Variants in FAM107B observed in about 807,000 individuals in gnomAD.
FAM107B encodes protein FAM107B.
A neutral mutation model predicts 31.5 loss-of-function variants in FAM107B; 21 were observed. The observed-to-expected ratio is 0.67, with a 90% CI of 0.47 to 0.96. FAM107B has a LOEUF of 0.96. Ranked by LOEUF, FAM107B falls within the 40% of genes least tolerant of loss-of-function variation. FAM107B has a pLI of 0.00. For synonymous variants in FAM107B, 157 were observed against 141.5 expected (o/e 1.11, Z -0.78); for missense variants, 452 against 377.1 (o/e 1.20, Z -1.64).
intron 2 of FAM107B, chr10:14,554,312 A>C (rs1440314271): frequency 9.6e-6 from 2 of 208,682 alleles, no homozygotes; most frequent in Non-Finnish European, 1.7e-5. Context: ...AGGTTTACTA[A>C]AGGAAGGGAG....
rs189016373 is a variant in FAM107B, at chr10:14,721,029, G to A, written c.411+53224C>T. 2.5e-3 allele frequency among the ~76,000 whole-genome samples: 376 copies of A among 151,648 alleles called. 2 individuals carry two copies. Among genetic ancestry groups the A allele is most frequent in the African/African-American group, 8.5e-3 (353 of 41,300 alleles). On this transcript the variant is annotated intron_variant, in intron 1 of 4. Coordinates refer to ENST00000181796, the MANE Select transcript of FAM107B (RefSeq NM_031453.4). ...CCCATGACAGGCGCCAGTGTGTGACGTTCCCCGCCCCGTGTTCAAGTGTTC... is the reference window on the plus strand; with the variant it reads ...CCCATGACAGGCGCCAGTGTGTGACATTCCCCGCCCCGTGTTCAAGTGTTC...
intron 1 of FAM107B, among the ~76,000 whole-genome samples, chr10:14,745,354 G>A (rs947059174): frequency 6.6e-6 from 1 of 152,014 alleles, no homozygotes; most frequent in African/African-American, 2.4e-5. Flanking sequence ...TTTGGGGTTT[G>A]TTTGCTCTTG....
chr10:14,650,800 GA>G (rs1853878716), intron 2 of FAM107B, among the ~76,000 whole-genome samples: 1 of 152,216 alleles, frequency 6.6e-6, no homozygotes, highest in South Asian at 2.1e-4. Flanking sequence ...TAAATTTCAA[GA>G]AGTCGTATAT....
At chr10:14,697,316 C>T (rs1233977458) in intron 1 of FAM107B, among the ~76,000 whole-genome samples, 2 of 152,322 alleles carry the variant, frequency 1.3e-5, no homozygotes, top group South Asian at 2.1e-4. Flanking sequence ...ACCAGGTCCC[C>T]GAAATGGAGG....
intron 1 of FAM107B, among the ~76,000 whole-genome samples, chr10:14,669,108 C>T (rs1307131745): frequency 6.6e-6 from 1 of 152,106 alleles, no homozygotes; most frequent in Non-Finnish European, 1.5e-5. Flanking sequence ...TGGCTGACAC[C>T]TGTAATCCTA....
intron 2 of FAM107B, among the ~76,000 whole-genome samples, chr10:14,583,545 G>A (rs768557637): frequency 1.3e-4 from 20 of 152,074 alleles, no homozygotes; most frequent in Non-Finnish European, 2.5e-4. Context: ...AGCATGTGGC[G>A]TGGCTCTCCA....
intron 2 of FAM107B, among the ~76,000 whole-genome samples, chr10:14,578,109 A>G (rs970866313): frequency 4.6e-5 from 7 of 152,154 alleles, no homozygotes; most frequent in African/African-American, 1.7e-4. Context: ...TCCATTTGGA[A>G]AAGTTCATTA....
At chr10:14,692,660 T>C (rs1004809616) in intron 1 of FAM107B, among the ~76,000 whole-genome samples, 1 of 152,210 alleles carries the variant, frequency 6.6e-6, no homozygotes, top group Admixed American at 6.5e-5. Flanking sequence ...CCGTGTACTC[T>C]CAAGAGTGTC....
chr10:14,634,058 C>T (rs1853434904), intron 2 of FAM107B, among the ~76,000 whole-genome samples: 1 of 152,104 alleles, frequency 6.6e-6, no homozygotes, highest in East Asian at 1.9e-4. Flanking sequence ...TTGAGTTATG[C>T]TTTTAAGACA....
rs924104642 is a variant in FAM107B, at chr10:14,708,312, C to T, written c.412-40621G>A. ...GCCAGGCTGGTCTCAAACTCCTGAC[C>T]TTAGGTGATCCACCTGCTGGGGCCT... On this transcript the variant is annotated intron_variant, in intron 1 of 4. Coordinates refer to ENST00000181796, the MANE Select transcript of FAM107B (RefSeq NM_031453.4). Among the ~76,000 whole-genome samples, 7 of 152,002 alleles carry T rather than the reference C, an allele frequency of 4.6e-5. No individual in the cohort carries two copies. The East Asian group carries it at 9.6e-4, about 21-fold the overall frequency.
At chr10:14,679,893 C>T (rs955237414) in intron 1 of FAM107B, among the ~76,000 whole-genome samples, 10 of 152,206 alleles carry the variant, frequency 6.6e-5, no homozygotes, top group South Asian at 6.2e-4. Flanking sequence ...CCATCTTTCT[C>T]CCGTGCTGGA....
intron 1 of FAM107B, among the ~76,000 whole-genome samples, chr10:14,671,716 G>A (rs1854548923): frequency 6.6e-6 from 1 of 151,916 alleles, no homozygotes. Flanking sequence ...TATCACGTGC[G>A]GCTGAAACTG....
chr10:14,587,177 T>TA (rs1204342584), intron 2 of FAM107B, among the ~76,000 whole-genome samples: 1 of 152,180 alleles, frequency 6.6e-6, no homozygotes, highest in Non-Finnish European at 1.5e-5. Context: ...TAAAAGCACT[T>TA]ACGACATGCC....
chr10:14,680,841 C>G (rs1854816755), intron 1 of FAM107B, among the ~76,000 whole-genome samples: 1 of 152,180 alleles, frequency 6.6e-6, no homozygotes, highest in Non-Finnish European at 1.5e-5. Flanking sequence ...CCCAGTGTCT[C>G]CCTTTGCCCA....
chr10:14,711,144 C>T (rs1564633251), intron 1 of FAM107B, among the ~76,000 whole-genome samples: 1 of 152,220 alleles, frequency 6.6e-6, no homozygotes, highest in Admixed American at 6.5e-5. Context: ...AACTCCTGAC[C>T]TTGTGATCCA....
chr10:14,632,033 C>T (rs758322362), intron 2 of FAM107B, among the ~76,000 whole-genome samples: 10 of 152,162 alleles, frequency 6.6e-5, no homozygotes, highest in Non-Finnish European at 1.5e-4. Context: ...CACAGTGGCT[C>T]ACACCTGTAA....
chr10:14,545,396 C>T (rs995662649), intron 2 of FAM107B, among the ~76,000 whole-genome samples: 1 of 152,126 alleles, frequency 6.6e-6, no homozygotes, highest in African/African-American at 2.4e-5. Flanking sequence ...GTGTCCTGGG[C>T]TCTATCACTA....
At chr10:14,712,626 AAAG>A (rs58566279) in intron 1 of FAM107B, among the ~76,000 whole-genome samples, 6 of 146,854 alleles carry the variant, frequency 4.1e-5, no homozygotes, top group Non-Finnish European at 9.0e-5. Context: ...AACAAAAAAA[AAAG>A]AAGAAGAAGT....
intron 1 of FAM107B, among the ~76,000 whole-genome samples, chr10:14,687,977 G>A (rs1034748514): frequency 2.0e-5 from 3 of 152,222 alleles, no homozygotes; most frequent in African/African-American, 7.2e-5. Flanking sequence ...TAAGGGTATT[G>A]CCAAAGGAGA....
Sources: gnomAD v4.1 joint callset for allele counts (sites outside exome capture counted in the v4.1 genomes callset) on GRCh38, gnomAD v4.1.1 for gene constraint, MANE v1.5 for transcripts, NCBI Gene and HGNC (gene_info 2026-07-23, HGNC 2026-07-21) for gene names.